Variants in NRG1 observed in about 807,000 individuals in gnomAD.
The protein encoded by NRG1 is pro-neuregulin-1, membrane-bound isoform.
Under a neutral mutation model 63.8 loss-of-function variants are expected in NRG1, and 18 were observed. The ratio of observed to expected loss-of-function variants is 0.28; its 90% confidence interval spans 0.19 to 0.42. NRG1 has a LOEUF of 0.42. Among genes scored for constraint, NRG1 ranks in the 10% least tolerant of loss-of-function variants. The probability of loss-of-function intolerance (pLI) is 1.00; values close to 1 mark genes in which losing one functional copy is unlikely to be tolerated. For missense variants in NRG1, 762 were observed against 814.7 expected (o/e 0.94, Z 0.79); for synonymous variants, 302 against 301.3 (o/e 1.00, Z -0.02).
At chr8:31,978,587 T>C (rs1808575042) in intron 1 of NRG1, among the ~76,000 whole-genome samples, 1 of 152,140 alleles carries the variant, frequency 6.6e-6, no homozygotes, top group Admixed American at 6.6e-5. Flanking sequence ...TAAAATACAA[T>C]AAGGCAGACA....
intron 1 of NRG1, among the ~76,000 whole-genome samples, chr8:31,931,525 G>A (rs443001): frequency 0.9 from 137,293 of 152,100 alleles, 62,797 homozygotes; most frequent in African/African-American, 0.98. Context: ...GTACCTTATC[G>A]TTTTGCTGCA....
intron 1 of NRG1, among the ~76,000 whole-genome samples, chr8:32,122,377 T>C (rs1833557033): frequency 6.6e-6 from 1 of 151,988 alleles, no homozygotes; most frequent in Non-Finnish European, 1.5e-5. Context: ...GCTATTTAGA[T>C]GGCAGAGTTA....
intron 1 of NRG1, among the ~76,000 whole-genome samples, chr8:31,766,692 T>C (rs1176158435): frequency 1.3e-5 from 2 of 152,230 alleles, no homozygotes; most frequent in East Asian, 3.9e-4. Flanking sequence ...ACGAACACTA[T>C]ACTTCTATGT....
At chr8:31,705,931 C>T (rs754532195) in intron 1 of NRG1, among the ~76,000 whole-genome samples, 32 of 152,130 alleles carry the variant, frequency 2.1e-4, no homozygotes, top group Non-Finnish European at 3.5e-4. Context: ...TGTTCAGTTG[C>T]GTGTTTCATG....
intron 1 of NRG1, among the ~76,000 whole-genome samples, chr8:32,527,034 T>G (rs1490984390): frequency 1.3e-5 from 2 of 152,176 alleles, no homozygotes; most frequent in Non-Finnish European, 2.9e-5. Flanking sequence ...ATGCCCCAGA[T>G]AGTACCCAAT....
At chr8:32,322,832 G>A (rs1048219024) in intron 1 of NRG1, among the ~76,000 whole-genome samples, 2 of 149,938 alleles carry the variant, frequency 1.3e-5, no homozygotes, top group Non-Finnish European at 3.0e-5. Context: ...CCTGACTGAG[G>A]CATTTTATTC....
At position 32,447,092 on chromosome 8, in the gene NRG1, C is replaced by A. The variant is rs1820354883; in HGVS notation, c.38-148736C>A. Among the ~76,000 whole-genome samples the A allele has an allele frequency of 2.0e-5, 3 of 151,840 alleles. No homozygotes were observed. In the South Asian group the frequency reaches 6.2e-4, roughly 32 times the overall value. On this transcript the variant is annotated intron_variant, in intron 1 of 10. Coordinates refer to the NRG1 transcript ENST00000519301. ...GCAGTGGCGCAGTCTCAGCTCACTG[C>A]AACCTCCACTTGAACCTCCAGGTTC...
At chr8:31,949,779 A>G (rs394738) in intron 1 of NRG1, among the ~76,000 whole-genome samples, 9,713 of 152,204 alleles carry the variant, frequency 0.064, 798 homozygotes, top group African/African-American at 0.19. Flanking sequence ...TATAGACTCG[A>G]AGTGCATAAA....
chr8:32,575,648 C>T (rs17720837), intron 1 of NRG1, among the ~76,000 whole-genome samples: 31,118 of 152,084 alleles, frequency 0.2, 3,826 homozygotes, highest in Admixed American at 0.34. Flanking sequence ...TCATGGTTAC[C>T]TAGAAAATAA....
intron 1 of NRG1, among the ~76,000 whole-genome samples, chr8:32,466,630 G>A (rs1363659161): frequency 6.6e-6 from 1 of 152,126 alleles, no homozygotes; most frequent in African/African-American, 2.4e-5. Context: ...CTAAAAGCCT[G>A]CAGTTATTAG....
At chr8:32,039,810 G>T (rs1409043344) in intron 1 of NRG1, among the ~76,000 whole-genome samples, 1 of 151,868 alleles carries the variant, frequency 6.6e-6, no homozygotes, top group Non-Finnish European at 1.5e-5. Flanking sequence ...CTTGAGACCA[G>T]GAGTTCGAGA....
intron 1 of NRG1, among the ~76,000 whole-genome samples, chr8:32,301,782 T>C (rs1224514967): frequency 6.6e-6 from 1 of 152,158 alleles, no homozygotes; most frequent in Non-Finnish European, 1.5e-5. Flanking sequence ...CCGGCCTGCA[T>C]AATTCCATCA....
intron 1 of NRG1, among the ~76,000 whole-genome samples, chr8:31,861,889 AG>A (rs1828507220): frequency 1.3e-5 from 2 of 152,168 alleles, no homozygotes; most frequent in Admixed American, 6.5e-5. Flanking sequence ...ACATTCAGAC[AG>A]TTCACCCTGA....
chr8:31,821,159 C>A (rs988095403), intron 1 of NRG1, among the ~76,000 whole-genome samples: 2 of 152,074 alleles, frequency 1.3e-5, no homozygotes, highest in Middle Eastern at 3.2e-3. Context: ...TGTACATGTT[C>A]AATACAGATG....
At chr8:31,800,371 C>G (rs1331075542) in intron 1 of NRG1, among the ~76,000 whole-genome samples, 1 of 152,176 alleles carries the variant, frequency 6.6e-6, no homozygotes. Context: ...CATTACATGT[C>G]TAAATCTTGG....
chr8:31,900,804 G>T (rs1442687892), intron 1 of NRG1, among the ~76,000 whole-genome samples: 1 of 152,048 alleles, frequency 6.6e-6, no homozygotes, highest in Non-Finnish European at 1.5e-5. Context: ...TCAAGAATTT[G>T]CCATCAGAGA....
chr8:32,145,404 A>C (rs1836767431), intron 1 of NRG1, among the ~76,000 whole-genome samples: 1 of 152,204 alleles, frequency 6.6e-6, no homozygotes, highest in Admixed American at 6.5e-5. Context: ...TTTCCCATAA[A>C]GATATATTAG....
At chr8:31,787,322 G>C (rs576051467) in intron 1 of NRG1, among the ~76,000 whole-genome samples, 2 of 152,230 alleles carry the variant, frequency 1.3e-5, no homozygotes, top group African/African-American at 4.8e-5. Flanking sequence ...CAAATGACTT[G>C]CCCAGGCATT....
At position 31,887,010 on chromosome 8, in the gene NRG1, C is replaced by G. The variant is rs1451891539; in HGVS notation, c.37+247579C>G. On this transcript the variant is annotated intron_variant, in intron 1 of 10. Transcript: ENST00000519301. ...CATTGGCTTCCTCTTCTTGCTATCA[C>G]GGTAATTACTCAGGAGACATACCAT... is the stretch of plus-strand genomic sequence containing the variant. Among the ~76,000 whole-genome samples, 3 of 152,170 alleles carry G rather than the reference C, an allele frequency of 2.0e-5. No individual in the cohort carries two copies. The South Asian group carries it at 6.2e-4, about 32-fold the overall frequency.
Sources: gnomAD v4.1 joint callset for allele counts (sites outside exome capture counted in the v4.1 genomes callset) on GRCh38, gnomAD v4.1.1 for gene constraint, MANE v1.5 for transcripts, NCBI Gene and HGNC (gene_info 2026-07-23, HGNC 2026-07-21) for gene names.